Variants in LRCH3 observed in about 807,000 individuals in gnomAD.
The protein encoded by LRCH3 is leucine rich repeats and calponin homology domain containing 3, also known as DISP complex protein LRCH3.
Under a neutral mutation model 104.5 loss-of-function variants are expected in LRCH3, and 68 were observed. The ratio of observed to expected loss-of-function variants is 0.65; its 90% confidence interval spans 0.54 to 0.80. LRCH3 has a LOEUF of 0.80. Ranked by LOEUF, LRCH3 falls within the 30% of genes least tolerant of loss-of-function variation. The pLI, the probability that LRCH3 is intolerant of heterozygous loss-of-function variation, is 0.00. For missense variants in LRCH3, 951 were observed against 953.9 expected, an observed-to-expected ratio of 1.00 and a Z score of 0.04; for synonymous variants, 344 against 361.3, an observed-to-expected ratio of 0.95 and a Z score of 0.54.
chr3:197,880,807 C>T lies in LRCH3; in HGVS notation c.2209-2734C>T, dbSNP rs1420155509. 1.4e-5 allele frequency: 22 copies of T among 1,520,522 alleles called. No individual in the cohort carries two copies. In the Middle Eastern group the frequency reaches 5.9e-4, roughly 41 times the overall value. 94.2% of individuals were successfully genotyped at this position (1,520,522 alleles called of 1,614,324 possible). On this transcript the variant is annotated intron_variant, in intron 20 of 20. Coordinates refer to ENST00000425562, the MANE Select transcript of LRCH3 (RefSeq NM_001365715.1). ...AGAATTATTTACATAAGTGCTTTTT[C>T]TCCCTGCTGGCCCTCAAAGAGCTAA...
At position 197,817,210 on chromosome 3, in the gene LRCH3, T is replaced by C; in HGVS notation, c.442T>C (p.Cys148Arg). Residue 148 changes from cysteine (C) to arginine (R), a missense_variant, in exon 3 of 21, where the codon TGT (cysteine) becomes CGT (arginine). Transcript: ENST00000425562. ...NQLSTLPVHL[C>R]NLPLKVLIAS... ...ACTGTCAACATTGCCGGTACACTTG[T>C]GTAATTTGCCATTGAAAGTCTTAAT... 6.2e-7 allele frequency: 1 copy of C among 1,606,672 alleles called. No individual in the cohort carries two copies.
At chr3:197,816,631 A>G (rs1417088733) in intron 2 of LRCH3, among the ~76,000 whole-genome samples, 1 of 152,192 alleles carries the variant, frequency 6.6e-6, no homozygotes, top group African/African-American at 2.4e-5. Context: ...ATGTTTTTGT[A>G]TAAATAAAAA....
intron 10 of LRCH3, among the ~76,000 whole-genome samples, chr3:197,840,433 GGTGACAGACTGAGACTCCATCT>G (rs1560567781): frequency 2.6e-5 from 4 of 151,582 alleles, no homozygotes; most frequent in African/African-American, 9.7e-5. Flanking sequence ...CTCCAGCCTG[GGTGACAGACTGAGACTCCATCT>G]CAAAAAAACC....
At chr3:197,819,883 A>G (rs1734288284) in intron 3 of LRCH3, among the ~76,000 whole-genome samples, 1 of 152,132 alleles carries the variant, frequency 6.6e-6, no homozygotes, top group South Asian at 2.1e-4. Context: ...CTTTTTAAAA[A>G]AAAGAAAATA....
intron 10 of LRCH3, among the ~76,000 whole-genome samples, chr3:197,846,832 A>G (rs1280214346): frequency 6.6e-6 from 1 of 152,228 alleles, no homozygotes; most frequent in Admixed American, 6.5e-5. Flanking sequence ...ATAGTAAACT[A>G]TAAGAATTAA....
intron 20 of LRCH3, chr3:197,882,470 G>GTAAC: frequency 1.1e-5 from 10 of 947,274 alleles, no homozygotes; most frequent in Non-Finnish European, 1.3e-5. Context: ...ATATTTTATT[G>GTAAC]TAACTGGTTT....
rs533642141 is a variant in LRCH3, at chr3:197,859,665, G to C, written c.1716+760G>C. Among the ~76,000 whole-genome samples the C allele has an allele frequency of 3.5e-4, 54 of 152,240 alleles. No homozygotes were observed. The South Asian group carries it at 0.011, about 30-fold the overall frequency. ...TACAAAATGATCAATAATTCTCACT[G>C]TCAAGAAGACCTTTGTCTAACTTAC... On this transcript the variant is annotated intron_variant, in intron 15 of 20. Coordinates refer to ENST00000425562, the MANE Select transcript of LRCH3 (RefSeq NM_001365715.1).
chr3:197,876,877 G>C (rs1468877154), intron 20 of LRCH3, among the ~76,000 whole-genome samples: 2 of 134,374 alleles, frequency 1.5e-5, no homozygotes, highest in Non-Finnish European at 1.6e-5. Context: ...CCGCACCCAT[G>C]ACAGTGATTC....
chr3:197,846,401 C>CAA (rs869092632), intron 10 of LRCH3, among the ~76,000 whole-genome samples: 2 of 122,532 alleles, frequency 1.6e-5, no homozygotes, highest in African/African-American at 6.2e-5. Flanking sequence ...AAAAAAAAAA[C>CAA]AAAAAAAAAA....
intron 1 of LRCH3, among the ~76,000 whole-genome samples, chr3:197,804,255 C>CA (rs1291860730): frequency 1.4e-5 from 2 of 143,798 alleles, no homozygotes; most frequent in East Asian, 2.1e-4. Context: ...GACCCTGTCT[C>CA]AAAAAAAGAA....
At chr3:197,874,922 A>G (rs1393312124) in intron 19 of LRCH3, among the ~76,000 whole-genome samples, 1 of 147,034 alleles carries the variant, frequency 6.8e-6, no homozygotes, top group African/African-American at 2.5e-5. Flanking sequence ...TGGTTGCAAC[A>G]GTTCTTTTTT....
chr3:197,820,041 TG>T (rs1734313763), intron 3 of LRCH3, among the ~76,000 whole-genome samples: 1 of 152,194 alleles, frequency 6.6e-6, no homozygotes, highest in South Asian at 2.1e-4. Flanking sequence ...GTAAATGTAT[TG>T]TTTTCTTTTA....
At chr3:197,794,315 C>T (rs1387581271) in intron 1 of LRCH3, among the ~76,000 whole-genome samples, 2 of 152,164 alleles carry the variant, frequency 1.3e-5, no homozygotes, top group African/African-American at 4.8e-5. Flanking sequence ...TGGAAACCAG[C>T]ATTTAGAGAT....
At chr3:197,813,008 C>T (rs920119867) in intron 1 of LRCH3, among the ~76,000 whole-genome samples, 2 of 152,166 alleles carry the variant, frequency 1.3e-5, no homozygotes, top group Admixed American at 6.6e-5. Flanking sequence ...TCCAATTTCT[C>T]CACATTCTTA....
intron 1 of LRCH3, among the ~76,000 whole-genome samples, chr3:197,813,467 A>G (rs1484523393): frequency 6.8e-6 from 1 of 147,842 alleles, no homozygotes; most frequent in Non-Finnish European, 1.5e-5. Context: ...TTCCTTTGGC[A>G]AGACCATAGG....
At chr3:197,805,825 C>T (rs1371427632) in intron 1 of LRCH3, among the ~76,000 whole-genome samples, 1 of 151,990 alleles carries the variant, frequency 6.6e-6, no homozygotes, top group Non-Finnish European at 1.5e-5. Flanking sequence ...TCGGTACTTA[C>T]AGAACCCAAA....
At chr3:197,831,141 C>T (rs1735878299) in intron 7 of LRCH3, 2 of 303,894 alleles carry the variant, frequency 6.6e-6, no homozygotes, top group Admixed American at 9.1e-5. Context: ...AAACTGAAGC[C>T]TACAATCTGA....
chr3:197,866,292 C>A, intron 17 of LRCH3, 73 bp downstream of exon 17: 1 of 1,035,232 alleles, frequency 9.7e-7, no homozygotes, highest in Non-Finnish European at 1.5e-6. Flanking sequence ...TAGATGGATG[C>A]TTTTAAACTT....
rs929890505 is a variant in LRCH3, at chr3:197,830,628, A to G, written c.888-142A>G. 12 of 613,320 alleles carry G rather than the reference A, an allele frequency of 2.0e-5. No individual in the cohort carries two copies. The African/African-American group carries it at 2.0e-4, about 10-fold the overall frequency. 38.0% of individuals were successfully genotyped at this position (613,320 alleles called of 1,614,324 possible). ...GCTTTGTTTCTATTTGGAATTTTTC[A>G]TATTAAAAAATTAAAGCCCATTTAG... On this transcript the variant is annotated intron_variant, in intron 6 of 20. Transcript: ENST00000425562.
Sources: allele counts gnomAD v4.1 joint callset (sites outside exome capture counted in the v4.1 genomes callset), GRCh38; gene constraint gnomAD v4.1.1; transcripts MANE v1.5; gene names NCBI Gene and HGNC (gene_info 2026-07-23, HGNC 2026-07-21).